GPR158: variants seen among roughly 807,000 people sequenced by gnomAD.
GPR158 encodes metabotropic glycine receptor.
Under a neutral mutation model 78.2 loss-of-function variants are expected in GPR158, and 30 were observed. That is an observed-to-expected ratio of 0.38 (90% confidence interval 0.29 to 0.52). The LOEUF is 0.52. Ranked by LOEUF, GPR158 falls within the 20% of genes least tolerant of loss-of-function variation. The pLI is 0.83. For synonymous variants in GPR158, 581 were observed against 591.1 expected, an observed-to-expected ratio of 0.98 and a Z score of 0.25; for missense variants, 1,463 against 1,523.5, an observed-to-expected ratio of 0.96 and a Z score of 0.66.
At chr10:25,223,861 TA>T (rs1305753164) in intron 2 of GPR158, among the ~76,000 whole-genome samples, 1 of 152,162 alleles carries the variant, frequency 6.6e-6, no homozygotes, top group Non-Finnish European at 1.5e-5. Context: ...CAGTAAACAA[TA>T]GAGAAAGTTA....
chr10:25,237,387 A>G (rs1853539025), intron 2 of GPR158, among the ~76,000 whole-genome samples: 1 of 152,230 alleles, frequency 6.6e-6, no homozygotes, highest in South Asian at 2.1e-4. Flanking sequence ...GTCCTAATTA[A>G]AAATGAATAG....
intron 7 of GPR158, among the ~76,000 whole-genome samples, chr10:25,588,553 T>C (rs1164770726): frequency 6.6e-6 from 1 of 152,258 alleles, no homozygotes; most frequent in African/African-American, 2.4e-5. Context: ...TCTTTACTTA[T>C]TGTACTGGGC....
intron 2 of GPR158, among the ~76,000 whole-genome samples, chr10:25,240,638 C>T (rs1170558604): frequency 4.0e-5 from 6 of 149,168 alleles, no homozygotes; most frequent in African/African-American, 1.2e-4. Flanking sequence ...GCTGATAGAA[C>T]GAATAGATGG....
intron 8 of GPR158, among the ~76,000 whole-genome samples, chr10:25,593,362 TTTG>T (rs1251931398): frequency 1.3e-5 from 2 of 152,080 alleles, no homozygotes; most frequent in East Asian, 3.8e-4. Context: ...TTAATATATG[TTTG>T]TTTTGTGATT....
chr10:25,296,557 G>A (rs1854518232), intron 2 of GPR158, among the ~76,000 whole-genome samples: 2 of 152,088 alleles, frequency 1.3e-5, no homozygotes, highest in Admixed American at 6.5e-5. Context: ...AAAATGAAGA[G>A]GTTAGGGGTT....
At chr10:25,199,350 C>G (rs781629501) in intron 1 of GPR158, among the ~76,000 whole-genome samples, 28 of 152,074 alleles carry the variant, frequency 1.8e-4, no homozygotes, top group Non-Finnish European at 1.6e-4. Flanking sequence ...TCTGTTGTTC[C>G]CTTATTTGCA....
intron 1 of GPR158, among the ~76,000 whole-genome samples, chr10:25,180,904 A>T (rs1852604254): frequency 6.6e-6 from 1 of 152,134 alleles, no homozygotes; most frequent in Non-Finnish European, 1.5e-5. Context: ...AGGGAGATAA[A>T]GGAAAGATCA....
intron 5 of GPR158, among the ~76,000 whole-genome samples, chr10:25,534,098 C>G (rs4474349): frequency 0.38 from 58,124 of 152,064 alleles, 11,575 homozygotes; most frequent in East Asian, 0.55. Flanking sequence ...TCTCCTGGGC[C>G]AGCTTTCAGC....
At chr10:25,202,006 C>T (rs2130656113) in intron 1 of GPR158, among the ~76,000 whole-genome samples, 1 of 152,038 alleles carries the variant, frequency 6.6e-6, no homozygotes, top group African/African-American at 2.4e-5. Flanking sequence ...ATGGAGGAGT[C>T]CTTCCCTCTC....
At chr10:25,301,517 G>A (rs937142173) in intron 2 of GPR158, among the ~76,000 whole-genome samples, 3 of 152,080 alleles carry the variant, frequency 2.0e-5, no homozygotes, top group Admixed American at 6.5e-5. Context: ...TAATAAGTGG[G>A]CACTTATTAG....
intron 2 of GPR158, among the ~76,000 whole-genome samples, chr10:25,316,967 A>C (rs1854863684): frequency 6.9e-6 from 1 of 144,662 alleles, no homozygotes; most frequent in Non-Finnish European, 1.5e-5. Flanking sequence ...CCACTGTTTC[A>C]TTTTCTTTAA....
intron 5 of GPR158, among the ~76,000 whole-genome samples, chr10:25,510,920 C>T (rs1478424055): frequency 4.6e-5 from 7 of 152,102 alleles, no homozygotes; most frequent in Non-Finnish European, 8.8e-5. Context: ...TATGTATAAA[C>T]CACAATTTCT....
chr10:25,378,626 T>C (rs1834116923), intron 2 of GPR158, among the ~76,000 whole-genome samples: 2 of 142,898 alleles, frequency 1.4e-5, no homozygotes, highest in Admixed American at 7.0e-5. Flanking sequence ...TATATATATA[T>C]TGCTTATATT....
intron 7 of GPR158, among the ~76,000 whole-genome samples, chr10:25,583,657 A>ATTT (rs10700827): frequency 0.019 from 2,848 of 150,716 alleles, 75 homozygotes; most frequent in African/African-American, 0.065. Context: ...AATTGTAAAT[A>ATTT]TTTTTTTTTT....
At chr10:25,237,243 G>C (rs1853537969) in intron 2 of GPR158, among the ~76,000 whole-genome samples, 1 of 152,120 alleles carries the variant, frequency 6.6e-6, no homozygotes, top group South Asian at 2.1e-4. Context: ...CTTCAGGAAT[G>C]GAAAATTCCA....
At chr10:25,188,030 A>C (rs1193408948) in intron 1 of GPR158, among the ~76,000 whole-genome samples, 1 of 152,218 alleles carries the variant, frequency 6.6e-6, no homozygotes, top group Non-Finnish European at 1.5e-5. Flanking sequence ...ACTCCCATTC[A>C]CAATTGCTTC....
At chr10:25,238,569 ACT>A (rs113247727) in intron 2 of GPR158, among the ~76,000 whole-genome samples, 42 of 152,190 alleles carry the variant, frequency 2.8e-4, no homozygotes, top group African/African-American at 9.9e-4. Flanking sequence ...GCTTATGATA[ACT>A]CTGTGACTCC....
chr10:25,437,329 G>T (rs2130584276), intron 4 of GPR158, among the ~76,000 whole-genome samples: 1 of 152,064 alleles, frequency 6.6e-6, no homozygotes, highest in Admixed American at 6.5e-5. Context: ...GGGTTCAAGA[G>T]ATCCTCCCAC....
chr10:25,540,961 T>C (rs1170722268), intron 5 of GPR158, among the ~76,000 whole-genome samples: 1 of 146,968 alleles, frequency 6.8e-6, no homozygotes, highest in Non-Finnish European at 1.5e-5. Flanking sequence ...TATATATATA[T>C]ATATATATAT....
Sources: allele counts gnomAD v4.1 joint callset (sites outside exome capture counted in the v4.1 genomes callset), GRCh38; gene constraint gnomAD v4.1.1; transcripts MANE v1.5; gene names NCBI Gene and HGNC (gene_info 2026-07-23, HGNC 2026-07-21).